Variants in LDB2 observed in about 807,000 individuals in gnomAD.
The protein encoded by LDB2 is LIM domain binding 2, also known as LIM domain-binding protein 2.
In LDB2, 12 loss-of-function variants were observed where a neutral mutation model predicts 44.3. That is an observed-to-expected ratio of 0.27 (90% CI 0.17 to 0.44). The LOEUF is 0.44. Among genes scored for constraint, LDB2 ranks in the 20% least tolerant of loss-of-function variants. The pLI, the probability that LDB2 is intolerant of heterozygous loss-of-function variation, is 1.00. For missense variants in LDB2, 344 were observed against 473.5 expected, an observed-to-expected ratio of 0.73 and a Z score of 2.54; for synonymous variants, 164 against 174.8, an observed-to-expected ratio of 0.94 and a Z score of 0.49.
intron 2 of LDB2, chr4:16,653,658 A>C (rs925874056): frequency 6.6e-6 from 1 of 152,266 alleles, no homozygotes; most frequent in African/African-American, 2.4e-5. Flanking sequence ...CTTCGTAGAC[A>C]AGTGCAAATT....
chr4:16,763,879 G>C (rs530763539), intron 1 of LDB2, among the ~76,000 whole-genome samples: 18 of 152,098 alleles, frequency 1.2e-4, no homozygotes, highest in African/African-American at 3.9e-4. Context: ...TGCTTGTTGG[G>C]TAAGTGGGAA....
At chr4:16,788,222 C>G (rs1384350133) in intron 1 of LDB2, among the ~76,000 whole-genome samples, 4 of 152,176 alleles carry the variant, frequency 2.6e-5, no homozygotes, top group Admixed American at 2.6e-4. Flanking sequence ...AAGCTCCAGA[C>G]CATTCTATTA....
intron 1 of LDB2, among the ~76,000 whole-genome samples, chr4:16,826,917 C>A (rs1364784502): frequency 2.0e-5 from 3 of 152,060 alleles, no homozygotes; most frequent in East Asian, 3.9e-4. Flanking sequence ...AACAACTCGG[C>A]GGGTAATTTG....
At chr4:16,648,923 C>T (rs962295334) in intron 2 of LDB2, among the ~76,000 whole-genome samples, 9 of 152,088 alleles carry the variant, frequency 5.9e-5, no homozygotes, top group African/African-American at 2.2e-4. Context: ...AAGTACAAAG[C>T]AGGGCAGAGT....
chr4:16,585,448 T>C (rs7698096), intron 5 of LDB2, among the ~76,000 whole-genome samples: 14,457 of 152,204 alleles, frequency 0.095, 769 homozygotes, highest in Non-Finnish European at 0.11. Context: ...ATCTGTTACA[T>C]GTTGTGCAGA....
intron 1 of LDB2, among the ~76,000 whole-genome samples, chr4:16,767,875 G>C (rs1397283238): frequency 6.6e-6 from 1 of 152,128 alleles, no homozygotes; most frequent in Non-Finnish European, 1.5e-5. Flanking sequence ...ATATCAGGAT[G>C]AGACACACAG....
chr4:16,582,269 A>G lies in LDB2; in HGVS notation c.615+3653T>C, dbSNP rs923140031. Among the ~76,000 whole-genome samples, 21 of 152,212 alleles carry G rather than the reference A, an allele frequency of 1.4e-4. No individual in the cohort carries two copies. Among genetic ancestry groups the G allele is most frequent in the African/African-American group, 4.6e-4 (19 of 41,458 alleles). On this transcript the variant is annotated intron_variant, in intron 5 of 7. Coordinates refer to ENST00000304523, the MANE Select transcript of LDB2 (RefSeq NM_001290.5). The surrounding 1 kb of genome is among the most constrained non-coding windows in gnomAD (Gnocchi z 4.8). ...GTCAGAAATGCTTGTGAAATGAACAATGAATAAATGGGCAAACAGGATCTG... is the reference window on the plus strand; with the variant it reads ...GTCAGAAATGCTTGTGAAATGAACAGTGAATAAATGGGCAAACAGGATCTG...
intron 5 of LDB2, among the ~76,000 whole-genome samples, chr4:16,527,188 C>T (rs889576024): frequency 1.3e-5 from 2 of 152,176 alleles, no homozygotes; most frequent in African/African-American, 4.8e-5. Context: ...GACAGCATTT[C>T]TGCTGGGGCA....
intron 1 of LDB2, among the ~76,000 whole-genome samples, chr4:16,863,558 C>T (rs1205097756): frequency 2.0e-5 from 3 of 151,978 alleles, no homozygotes; most frequent in Non-Finnish European, 4.4e-5. Context: ...CTGCAAGGAG[C>T]TGGAGCCAGG....
intron 5 of LDB2, among the ~76,000 whole-genome samples, chr4:16,565,365 CATAAT>C (rs1023187813): frequency 5.9e-5 from 9 of 151,996 alleles, no homozygotes; most frequent in Non-Finnish European, 1.0e-4. Context: ...TATATTTACT[CATAAT>C]AATAAAAAGA....
At chr4:16,684,973 C>T (rs985571935) in intron 2 of LDB2, among the ~76,000 whole-genome samples, 5 of 152,088 alleles carry the variant, frequency 3.3e-5, no homozygotes, top group Middle Eastern at 3.2e-3. Context: ...CAAAAACAGG[C>T]GATGAGCTGC....
At position 16,666,318 on chromosome 4, in the gene LDB2, T is replaced by C. The variant is rs1480548164; in HGVS notation, c.236-70443A>G. On this transcript the variant is annotated intron_variant, in intron 2 of 7. Coordinates refer to ENST00000304523, the MANE Select transcript of LDB2 (RefSeq NM_001290.5). ...AGTTGAAGCCTCGCCAAGCTAGCTGTTGTCCCAGAGTGCTGCCCAAGGCAG... is the reference window on the plus strand; with the variant it reads ...AGTTGAAGCCTCGCCAAGCTAGCTGCTGTCCCAGAGTGCTGCCCAAGGCAG... 2.6e-5 allele frequency among the ~76,000 whole-genome samples: 4 copies of C among 152,284 alleles called. No homozygotes were observed. The South Asian group carries it at 8.3e-4, about 32-fold the overall frequency.
intron 2 of LDB2, among the ~76,000 whole-genome samples, chr4:16,657,908 C>A (rs1303375838): frequency 1.3e-5 from 2 of 152,198 alleles, no homozygotes. Context: ...ATTTTAAAAA[C>A]CTTCTCTCTA....
chr4:16,753,939 C>G (rs1765971943), intron 2 of LDB2, among the ~76,000 whole-genome samples: 1 of 152,182 alleles, frequency 6.6e-6, no homozygotes, highest in Non-Finnish European at 1.5e-5. Flanking sequence ...GATGAAAGCG[C>G]TGCCAAAAAC....
intron 1 of LDB2, among the ~76,000 whole-genome samples, chr4:16,763,722 C>T (rs1380639758): frequency 6.6e-6 from 1 of 152,136 alleles, no homozygotes; most frequent in Non-Finnish European, 1.5e-5. Context: ...TTCACAACTA[C>T]CCTAATTGCT....
chr4:16,562,659 C>A (rs368011241), intron 5 of LDB2, among the ~76,000 whole-genome samples: 2 of 152,130 alleles, frequency 1.3e-5, no homozygotes, highest in Admixed American at 6.6e-5. Flanking sequence ...TCAGTGTGGC[C>A]ATTCCTCAGG....
intron 5 of LDB2, among the ~76,000 whole-genome samples, chr4:16,535,919 G>T (rs2088840): frequency 2.0e-5 from 3 of 152,142 alleles, no homozygotes; most frequent in Admixed American, 6.5e-5. Context: ...AATAAAAAAC[G>T]TGCATTTCTA....
chr4:16,578,776 G>A lies in LDB2; in HGVS notation c.615+7146C>T, dbSNP rs533509403. On this transcript the variant is annotated intron_variant, in intron 5 of 7. Transcript: ENST00000304523. ...GTTTATTGCAGCACTATTAACAATAGCCAAGATTTTGGAGCAACTTAACTG... is the reference window on the plus strand; with the variant it reads ...GTTTATTGCAGCACTATTAACAATAACCAAGATTTTGGAGCAACTTAACTG... 1.9e-3 allele frequency among the ~76,000 whole-genome samples: 294 copies of A among 152,264 alleles called. 1 individual carries two copies. Among genetic ancestry groups the A allele is most frequent in the African/African-American group, 6.9e-3 (285 of 41,550 alleles).
At chr4:16,703,977 T>C (rs1467201791) in intron 2 of LDB2, among the ~76,000 whole-genome samples, 1 of 152,208 alleles carries the variant, frequency 6.6e-6, no homozygotes. Flanking sequence ...TTTCTTTCAA[T>C]TGTATATACC....
Sources: allele counts gnomAD v4.1 joint callset (sites outside exome capture counted in the v4.1 genomes callset), GRCh38; gene constraint gnomAD v4.1.1; non-coding constraint Gnocchi (gnomAD v3.1); transcripts MANE v1.5; gene names NCBI Gene and HGNC (gene_info 2026-07-23, HGNC 2026-07-21).